The following HERC3 variants were observed in gnomAD, a reference collection of about 807,000 sequenced individuals.
HERC3 encodes the protein HECT and RLD domain containing E3 ubiquitin protein ligase 3, also known as probable E3 ubiquitin-protein ligase HERC3.
HERC3 carries 58 observed loss-of-function variants against 129.9 expected under a neutral mutation model. That is an observed-to-expected ratio of 0.45 (90% CI 0.36 to 0.56). The LOEUF is 0.56. HERC3 is among the 20% of genes least tolerant of loss of function. The pLI is 0.00. For synonymous variants in HERC3, 430 were observed against 451.0 expected (o/e 0.95, Z 0.59); for missense variants, 835 against 1,244.2 (o/e 0.67, Z 4.95).
chr4:88,543,471 G>T, the HERC3 span, among the ~76,000 whole-genome samples: 1 of 152,178 alleles, frequency 6.6e-6, no homozygotes, highest in African/African-American at 2.4e-5. Context: ...CTTGCTCATG[G>T]ACAGGAAGAA....
At chr4:88,647,634 A>T (rs997365277) in intron 3 of HERC3, among the ~76,000 whole-genome samples, 2 of 152,196 alleles carry the variant, frequency 1.3e-5, no homozygotes, top group African/African-American at 4.8e-5. Context: ...TAGGAATTAC[A>T]GAATCTTTCT....
At chr4:88,563,973 G>GT in the HERC3 span, among the ~76,000 whole-genome samples, 1 of 151,864 alleles carries the variant, frequency 6.6e-6, no homozygotes, top group Non-Finnish European at 1.5e-5. Flanking sequence ...TTTATATCCA[G>GT]TTTTTTTGAG....
At chr4:88,677,880 C>T in intron 18 of HERC3, 84 bp from the exon 19 acceptor site, 2 of 1,243,658 alleles carry the variant, frequency 1.6e-6, no homozygotes, top group Non-Finnish European at 2.3e-6. Context: ...CAGTCAGCGC[C>T]CCCAAGTCCA....
At chr4:88,633,256 G>A (rs148822277) in intron 3 of HERC3, among the ~76,000 whole-genome samples, 93 of 152,142 alleles carry the variant, frequency 6.1e-4, no homozygotes, top group African/African-American at 1.6e-3. Context: ...GAAGGGAAAC[G>A]ATATCAGAAG....
At chr4:88,649,066 G>A (rs1300503074) in intron 3 of HERC3, among the ~76,000 whole-genome samples, 1 of 152,098 alleles carries the variant, frequency 6.6e-6, no homozygotes, top group East Asian at 1.9e-4. Flanking sequence ...CTCCCTGCAT[G>A]ATCTGTTTTT....
chr4:88,610,453 CAAAAA>C (rs10616395), intron 3 of HERC3, among the ~76,000 whole-genome samples: 2 of 122,516 alleles, frequency 1.6e-5, no homozygotes, highest in African/African-American at 3.2e-5. Flanking sequence ...GACTCCGTCT[CAAAAA>C]AAAAAAAAAA....
chr4:88,701,922 C>T (rs1331494367), intron 23 of HERC3, among the ~76,000 whole-genome samples: 1 of 151,788 alleles, frequency 6.6e-6, no homozygotes, highest in Non-Finnish European at 1.5e-5. Flanking sequence ...CCCACCTCAG[C>T]CTTCTGAGCA....
chr4:88,694,031 C>T (rs1054408736), intron 23 of HERC3, among the ~76,000 whole-genome samples: 28 of 152,166 alleles, frequency 1.8e-4, no homozygotes, highest in African/African-American at 6.3e-4. Context: ...AATCGCTTGA[C>T]GTCACAAACA....
chr4:88,600,539 A>G (rs1470027401), intron 2 of HERC3, among the ~76,000 whole-genome samples: 1 of 152,270 alleles, frequency 6.6e-6, no homozygotes, highest in African/African-American at 2.4e-5. Context: ...GTAATGTGAC[A>G]GTGTTTTTGG....
At chr4:88,684,465 C>T (rs7684579) in intron 21 of HERC3, among the ~76,000 whole-genome samples, 21,165 of 152,060 alleles carry the variant, frequency 0.14, 1,677 homozygotes, top group East Asian at 0.2. Flanking sequence ...CAAAAATTAA[C>T]TCAAGATGGA....
At chr4:88,597,264 T>A (rs1201068574) in intron 2 of HERC3, among the ~76,000 whole-genome samples, 10 of 152,222 alleles carry the variant, frequency 6.6e-5, no homozygotes, top group African/African-American at 2.2e-4. Flanking sequence ...CTTGTATTAG[T>A]CACATTTCAA....
chr4:88,593,984 G>A (rs115812684), intron 1 of HERC3, among the ~76,000 whole-genome samples: 92 of 152,274 alleles, frequency 6.0e-4, no homozygotes, highest in Non-Finnish European at 1.1e-3. Flanking sequence ...CATCATGGTC[G>A]TACCGCCTTC....
At chr4:88,558,019 C>T in the HERC3 span, among the ~76,000 whole-genome samples, 6 of 137,416 alleles carry the variant, frequency 4.4e-5, no homozygotes, top group East Asian at 4.2e-4. Flanking sequence ...TGCGGTGAGT[C>T]GAGATCACAC....
intron 25 of HERC3, 59 bp from the exon 26 acceptor site, chr4:88,706,693 A>G: frequency 2.9e-6 from 4 of 1,398,046 alleles, no homozygotes; most frequent in Non-Finnish European, 4.0e-6. Context: ...TGCCAGAAGG[A>G]TCTCTGAGAT....
chr4:88,564,913 A>G, the HERC3 span, among the ~76,000 whole-genome samples: 1 of 151,600 alleles, frequency 6.6e-6, no homozygotes, highest in South Asian at 2.1e-4. Flanking sequence ...AGGTTTTTTT[A>G]TGTTCTGTTT....
intron 25 of HERC3, among the ~76,000 whole-genome samples, chr4:88,704,863 C>CTTTTTTTTTTTTTTTT (rs1165694315): frequency 3.8e-5 from 5 of 130,672 alleles, no homozygotes; most frequent in African/African-American, 1.5e-4. Context: ...TTCTTTCTTT[C>CTTTTTTTTTTTTTTTT]TTTTTTTTTT....
rs577980609 is a variant in HERC3, at chr4:88,699,669, T to C, written c.2658-4429T>C. ...AACAGGCCTTTTGACCCCTATAGTATGGATGTTGTGACAGACTTTAAAAAA... is the reference window on the plus strand; with the variant it reads ...AACAGGCCTTTTGACCCCTATAGTACGGATGTTGTGACAGACTTTAAAAAA... On this transcript the variant is annotated intron_variant, in intron 23 of 25. Coordinates refer to ENST00000402738, the MANE Select transcript of HERC3 (RefSeq NM_014606.3). Among the ~76,000 whole-genome samples the C allele has an allele frequency of 1.2e-4, 18 of 152,064 alleles. No homozygotes were observed. The South Asian group carries it at 2.9e-3, about 25-fold the overall frequency.
In HERC3 at chr4:88,658,460, A is replaced by G; in HGVS notation, c.1115A>G (p.Asp372Gly). 15 of 1,606,926 alleles carry G rather than the reference A, an allele frequency of 9.3e-6. No individual in the cohort carries two copies. Among genetic ancestry groups the G allele is most frequent in the Non-Finnish European group, 1.3e-5 (15 of 1,175,278 alleles). Residue 372 changes from aspartate (D) to glycine (G), a missense_variant, in exon 10 of 26, where the codon GAC becomes GGC. By Grantham distance (94) the Asp-to-Gly change is moderately conservative. Transcript: ENST00000402738. ...HIVKQIFSGG[D>G]QTFVLCSKYE... Reference sequence around the variant, plus strand: ...GTTAAGCAGATCTTCTCTGGAGGAGACCAGACTTTTGTACTTTGCTCCAAA... The same window carrying G: ...GTTAAGCAGATCTTCTCTGGAGGAGGCCAGACTTTTGTACTTTGCTCCAAA...
At chr4:88,609,152 G>A (rs993717657) in intron 3 of HERC3, among the ~76,000 whole-genome samples, 1 of 150,818 alleles carries the variant, frequency 6.6e-6, no homozygotes, top group African/African-American at 2.4e-5. Flanking sequence ...GCATGGTGGT[G>A]TGTACCTGTT....
Sources: allele counts gnomAD v4.1 joint callset (sites outside exome capture counted in the v4.1 genomes callset), GRCh38; gene constraint gnomAD v4.1.1; transcripts MANE v1.5; gene names NCBI Gene and HGNC (gene_info 2026-07-23, HGNC 2026-07-21).